ANTXR1: variants seen among roughly 807,000 people sequenced by gnomAD.
ANTXR1 encodes the protein anthrax toxin receptor 1.
A neutral mutation model predicts 78.1 loss-of-function variants in ANTXR1; 19 were observed. That is an observed-to-expected ratio of 0.24 (90% CI 0.17 to 0.36). The LOEUF (loss-of-function observed/expected upper bound fraction) is 0.36, where lower values mean the gene tolerates loss of function less well. ANTXR1 is among the 10% of genes least tolerant of loss of function. ANTXR1 has a pLI of 1.00. For synonymous variants in ANTXR1, 273 were observed against 260.5 expected, an observed-to-expected ratio of 1.05 and a Z score of -0.46; for missense variants, 518 against 718.6, an observed-to-expected ratio of 0.72 and a Z score of 3.19.
chr2:69,044,221 A>T (rs1669690896), intron 2 of ANTXR1, among the ~76,000 whole-genome samples: 1 of 152,212 alleles, frequency 6.6e-6, no homozygotes, highest in African/African-American at 2.4e-5. Context: ...TCCTTATAGG[A>T]TAATCTCCTT....
At chr2:69,202,299 G>A (rs909148023) in intron 17 of ANTXR1, among the ~76,000 whole-genome samples, 7 of 152,192 alleles carry the variant, frequency 4.6e-5, no homozygotes, top group Non-Finnish European at 7.3e-5. Context: ...CATTATGGAG[G>A]AGGGTGGAGT....
At chr2:69,104,002 G>A (rs916064697) in intron 10 of ANTXR1, among the ~76,000 whole-genome samples, 27 of 148,856 alleles carry the variant, frequency 1.8e-4, no homozygotes, top group Non-Finnish European at 3.0e-5. Flanking sequence ...ACAATGGCAC[G>A]ATCTCAGCTC....
intron 12 of ANTXR1, among the ~76,000 whole-genome samples, chr2:69,133,369 C>T (rs1375551336): frequency 2.0e-5 from 3 of 152,204 alleles, no homozygotes; most frequent in African/African-American, 7.2e-5. Context: ...TATTATTCCA[C>T]TTCCTGTCCA....
At chr2:69,237,276 G>C (rs941203393) in intron 17 of ANTXR1, among the ~76,000 whole-genome samples, 1 of 152,192 alleles carries the variant, frequency 6.6e-6, no homozygotes, top group Non-Finnish European at 1.5e-5. Flanking sequence ...TAAAAGAGTT[G>C]ACCTTGGATC....
chr2:69,046,053 T>G (rs1669758653), intron 3 of ANTXR1, among the ~76,000 whole-genome samples: 1 of 152,140 alleles, frequency 6.6e-6, no homozygotes, highest in South Asian at 2.1e-4. Context: ...AAGGTGTCTC[T>G]GGCCATCTCA....
intron 13 of ANTXR1, among the ~76,000 whole-genome samples, chr2:69,166,723 G>A (rs551046919): frequency 9.2e-5 from 14 of 152,234 alleles, no homozygotes; most frequent in Non-Finnish European, 1.3e-4. Flanking sequence ...TGAGGAAGGC[G>A]CCAAAGAGCC....
intron 16 of ANTXR1, among the ~76,000 whole-genome samples, chr2:69,191,468 AC>A (rs1674541145): frequency 6.6e-6 from 1 of 152,098 alleles, no homozygotes; most frequent in Non-Finnish European, 1.5e-5. Flanking sequence ...TCATTCAAAG[AC>A]CCCTGCAAGA....
intron 13 of ANTXR1, among the ~76,000 whole-genome samples, chr2:69,167,074 G>A (rs1361299697): frequency 1.3e-5 from 2 of 152,184 alleles, no homozygotes; most frequent in African/African-American, 4.8e-5. Context: ...CATTTGGGCA[G>A]AAGATACTGC....
chr2:69,192,204 G>T (rs1674560283), intron 16 of ANTXR1, among the ~76,000 whole-genome samples: 1 of 152,136 alleles, frequency 6.6e-6, no homozygotes, highest in Non-Finnish European at 1.5e-5. Flanking sequence ...AAACTTAAAG[G>T]TTTAATCAAC....
intron 1 of ANTXR1, among the ~76,000 whole-genome samples, chr2:69,038,998 G>A (rs899238826): frequency 3.3e-5 from 5 of 152,124 alleles, no homozygotes; most frequent in Admixed American, 6.5e-5. Context: ...TAGCTCTCTG[G>A]ATGTTAAAAT....
intron 16 of ANTXR1, among the ~76,000 whole-genome samples, chr2:69,183,658 G>T (rs1175537949): frequency 7.2e-6 from 1 of 139,054 alleles, no homozygotes; most frequent in Non-Finnish European, 1.5e-5. Flanking sequence ...AAAGCAGTCT[G>T]CCCACCTCGG....
intron 17 of ANTXR1, among the ~76,000 whole-genome samples, chr2:69,221,488 A>G (rs1489165062): frequency 6.6e-6 from 1 of 152,210 alleles, no homozygotes; most frequent in Non-Finnish European, 1.5e-5. Flanking sequence ...ACTCAGTAGC[A>G]TCTTAGTTCT....
At chr2:69,125,008 C>G (rs1384193925) in intron 12 of ANTXR1, among the ~76,000 whole-genome samples, 1 of 152,062 alleles carries the variant, frequency 6.6e-6, no homozygotes, top group African/African-American at 2.4e-5. Flanking sequence ...ACAGCATATA[C>G]AGAAAGAACG....
At chr2:69,089,228 G>A (rs1220011970) in intron 8 of ANTXR1, among the ~76,000 whole-genome samples, 1 of 152,232 alleles carries the variant, frequency 6.6e-6, no homozygotes, top group African/African-American at 2.4e-5. Context: ...GTTGCTTTTG[G>A]TGACATTCAG....
intron 9 of ANTXR1, among the ~76,000 whole-genome samples, chr2:69,101,924 G>A (rs1405918674): frequency 3.3e-5 from 5 of 152,110 alleles, no homozygotes; most frequent in Non-Finnish European, 5.9e-5. Context: ...ACTAATTATT[G>A]GGTTTTTTCC....
At chr2:69,023,020 G>A (rs192735722) in intron 1 of ANTXR1, among the ~76,000 whole-genome samples, 1 of 152,296 alleles carries the variant, frequency 6.6e-6, no homozygotes, top group Non-Finnish European at 1.5e-5. Context: ...TACATGAAAT[G>A]TGCCTCATGG....
At chr2:69,140,448 A>G (rs1436990850) in intron 12 of ANTXR1, among the ~76,000 whole-genome samples, 1 of 152,234 alleles carries the variant, frequency 6.6e-6, no homozygotes, top group Non-Finnish European at 1.5e-5. Flanking sequence ...ATAACTTTAA[A>G]GCCACAATAT....
rs1419728710 is a variant in ANTXR1 at position 69,248,589 on chromosome 2, T to C, written c.*3104T>C. On this transcript the variant is annotated 3_prime_UTR_variant, in exon 18 of 18. Coordinates refer to ENST00000303714, the MANE Select transcript of ANTXR1 (RefSeq NM_032208.3). The stretch of plus-strand genomic sequence containing the variant: ...AGAACAGAGCTGGTGGATTAATTAA[T>C]AGTCTTCGATATCTGGCCATGGGTA... 1 of 152,366 alleles carries C rather than the reference T, an allele frequency of 6.6e-6. No individual in the cohort carries two copies. The highest frequency in any genetic ancestry group is 1.5e-5 in the Non-Finnish European group (1 of 68,040). The allele number at this position is 152,366 out of a possible 1,614,324, so 9.4% of individuals were successfully genotyped here. A position where few individuals can be genotyped will look rare whatever the true frequency, so the allele number is the denominator to read the frequency against.
chr2:69,137,156 T>C (rs1387162742), intron 12 of ANTXR1, among the ~76,000 whole-genome samples: 1 of 152,230 alleles, frequency 6.6e-6, no homozygotes, highest in East Asian at 1.9e-4. Flanking sequence ...AAGCTGTTTG[T>C]CCCTACAGCA....
Sources: gnomAD v4.1 joint callset for allele counts (sites outside exome capture counted in the v4.1 genomes callset) on GRCh38, gnomAD v4.1.1 for gene constraint, MANE v1.5 for transcripts, NCBI Gene and HGNC (gene_info 2026-07-23, HGNC 2026-07-21) for gene names.